Variants in GPHN observed in about 807,000 individuals in gnomAD.
GPHN encodes gephyrin.
In GPHN, 17 loss-of-function variants were observed where a neutral mutation model predicts 95.5. That is an observed-to-expected ratio of 0.18 (90% confidence interval 0.12 to 0.27). The LOEUF is 0.27. GPHN is among the 10% of genes least tolerant of loss of function. The pLI is 1.00. For synonymous variants in GPHN, 320 were observed against 322.5 expected (o/e 0.99, Z 0.08); for missense variants, 660 against 978.1 (o/e 0.67, Z 4.34).
intron 5 of GPHN, among the ~76,000 whole-genome samples, chr14:66,885,190 C>G (rs1179156063): frequency 6.6e-6 from 1 of 151,772 alleles, no homozygotes; most frequent in African/African-American, 2.4e-5. Flanking sequence ...TAACCCACAC[C>G]AAATATACTT....
the GPHN span, chr14:67,559,466 A>G: frequency 1.6e-6 from 1 of 614,478 alleles, no homozygotes; most frequent in Non-Finnish European, 3.0e-6. Context: ...TTATCAAATA[A>G]TATTTCAACA....
chr14:67,127,926 T>C (rs192646267), intron 17 of GPHN, among the ~76,000 whole-genome samples: 4 of 152,342 alleles, frequency 2.6e-5, no homozygotes, highest in Admixed American at 1.3e-4. Flanking sequence ...GGTATGTGTA[T>C]GTAAACACAA....
At chr14:67,417,804 CGCA>C in the GPHN span, among the ~76,000 whole-genome samples, 1 of 151,770 alleles carries the variant, frequency 6.6e-6, no homozygotes. Context: ...AATGCAGTGC[CGCA>C]ATCACAGCTC....
chr14:67,203,367 C>G, the GPHN span: 1 of 1,250,914 alleles, frequency 8.0e-7, no homozygotes, highest in Non-Finnish European at 1.1e-6. Flanking sequence ...AAAACGGAAA[C>G]ACTGATGACA....
At chr14:66,806,497 G>A (rs547549924) in intron 3 of GPHN, among the ~76,000 whole-genome samples, 2 of 152,114 alleles carry the variant, frequency 1.3e-5, no homozygotes, top group East Asian at 3.9e-4. Flanking sequence ...GCATTGTCAG[G>A]CTGCAAATTT....
At chr14:66,627,133 T>C in intron 1 of GPHN, among the ~76,000 whole-genome samples, 1 of 151,982 alleles carries the variant, frequency 6.6e-6, no homozygotes, top group East Asian at 1.9e-4. Context: ...ATATAATTAC[T>C]ATTGAACTTA....
the GPHN span, among the ~76,000 whole-genome samples, chr14:67,188,093 A>G: frequency 6.6e-6 from 1 of 152,184 alleles, no homozygotes; most frequent in South Asian, 2.1e-4. Flanking sequence ...GGAAAGCTTC[A>G]TATCCCAAGC....
At chr14:66,912,370 C>A (rs2065713832) in intron 5 of GPHN, among the ~76,000 whole-genome samples, 1 of 152,164 alleles carries the variant, frequency 6.6e-6, no homozygotes, top group South Asian at 2.1e-4. Flanking sequence ...TACCCCTACC[C>A]TTCCTTACCT....
chr14:66,791,319 C>T (rs1158789302), intron 3 of GPHN, among the ~76,000 whole-genome samples: 9 of 152,150 alleles, frequency 5.9e-5, no homozygotes. Context: ...GGTCCTGATC[C>T]AGCCCCAAGA....
At chr14:67,477,363 T>A in the GPHN span, among the ~76,000 whole-genome samples, 3 of 152,166 alleles carry the variant, frequency 2.0e-5, no homozygotes, top group African/African-American at 7.2e-5. Flanking sequence ...GCCTTTCTCC[T>A]CTCACTTCCA....
chr14:66,660,792 GCAGGA>G (rs2065597673), intron 1 of GPHN, among the ~76,000 whole-genome samples: 1 of 152,144 alleles, frequency 6.6e-6, no homozygotes, highest in Admixed American at 6.5e-5. Context: ...ATGGAGAAGA[GCAGGA>G]CAGGGCAGGG....
At chr14:67,510,030 A>G in the GPHN span, among the ~76,000 whole-genome samples, 7 of 25,882 alleles carry the variant, frequency 2.7e-4, no homozygotes, top group East Asian at 4.1e-3. Flanking sequence ...TTTTTATTAA[A>G]AAAAAAAAGA....
At chr14:67,014,959 A>T (rs1203545414) in intron 9 of GPHN, among the ~76,000 whole-genome samples, 3 of 152,224 alleles carry the variant, frequency 2.0e-5, no homozygotes, top group Non-Finnish European at 4.4e-5. Context: ...ACTTGGAATT[A>T]AAGCTTTATA....
chr14:67,646,818 G>A, the GPHN span: 1 of 1,429,018 alleles, frequency 7.0e-7, no homozygotes, highest in Non-Finnish European at 9.8e-7. Flanking sequence ...GCTTAACTTG[G>A]TCTATTGCAG....
chr14:67,268,663 G>A, the GPHN span, among the ~76,000 whole-genome samples: 1 of 152,192 alleles, frequency 6.6e-6, no homozygotes, highest in Non-Finnish European at 1.5e-5. Flanking sequence ...CTTTTAGCAT[G>A]CTAACGCATT....
chr14:67,245,075 G>A, the GPHN span, among the ~76,000 whole-genome samples: 3 of 152,206 alleles, frequency 2.0e-5, no homozygotes, highest in African/African-American at 7.2e-5. Context: ...TCTTGAAGAG[G>A]CTCCAGAAAA....
chr14:66,610,369 C>T (rs779009705), intron 1 of GPHN, among the ~76,000 whole-genome samples: 6 of 152,130 alleles, frequency 3.9e-5, no homozygotes, highest in African/African-American at 7.2e-5. Flanking sequence ...CCCTCACATT[C>T]GGAAACCCCA....
intron 10 of GPHN, among the ~76,000 whole-genome samples, chr14:67,052,043 A>C (rs1161331522): frequency 6.6e-6 from 1 of 152,222 alleles, no homozygotes; most frequent in African/African-American, 2.4e-5. Context: ...CTTCGAAGCA[A>C]CTACATCAAC....
chr14:66,791,938 C>T (rs1025205123), intron 3 of GPHN, among the ~76,000 whole-genome samples: 13 of 152,074 alleles, frequency 8.5e-5, no homozygotes, highest in African/African-American at 2.2e-4. Context: ...ACAATCATGG[C>T]GGAAGGAGAA....
Sources: gnomAD v4.1 joint callset for allele counts (sites outside exome capture counted in the v4.1 genomes callset) on GRCh38, gnomAD v4.1.1 for gene constraint, MANE v1.5 for transcripts, NCBI Gene and HGNC (gene_info 2026-07-23, HGNC 2026-07-21) for gene names.